ZC3HAV1: variants seen among roughly 807,000 people sequenced by gnomAD.
ZC3HAV1 encodes zinc finger CCCH-type antiviral protein 1.
Under a neutral mutation model 86.6 loss-of-function variants are expected in ZC3HAV1, and 41 were observed. The observed-to-expected ratio is 0.47, with a 90% CI of 0.37 to 0.61. The LOEUF (loss-of-function observed/expected upper bound fraction) is 0.61. Among genes scored for constraint, ZC3HAV1 ranks in the 20% least tolerant of loss-of-function variants. The pLI, the probability that ZC3HAV1 is intolerant of heterozygous loss-of-function variation, is 0.00. For synonymous variants in ZC3HAV1, 421 were observed against 432.1 expected (o/e 0.97, Z 0.32); for missense variants, 964 against 1,141.1 (o/e 0.84, Z 2.24).
At position 139,080,120 on chromosome 7, in the gene ZC3HAV1, G is replaced by C; in HGVS notation, c.821C>G (p.Pro274Arg). ...CCTGTGGCTGATCTGATCTGGACTA[G>C]GTGTGCAGGACCTCTCAGCAGACGC... The part of the protein sequence containing the change: ...ASASAERSCT[P>R]SPDQISHRAS... Residue 274 changes from proline (P) to arginine (R), a missense_variant, in exon 4 of 13, where the codon CCT becomes CGT. Transcript: ENST00000242351. 1 of 1,614,190 alleles carries C rather than the reference G, an allele frequency of 6.2e-7. No individual in the cohort carries two copies.
intron 8 of ZC3HAV1, among the ~76,000 whole-genome samples, chr7:139,062,819 G>A (rs999899474): frequency 2.6e-5 from 4 of 152,044 alleles, no homozygotes; most frequent in Admixed American, 6.6e-5. Context: ...CACGAGGTCA[G>A]GAGTTTGAGA....
chr7:139,082,981 T>C (rs1277700732), intron 3 of ZC3HAV1, among the ~76,000 whole-genome samples: 1 of 152,210 alleles, frequency 6.6e-6, no homozygotes, highest in Non-Finnish European at 1.5e-5. Context: ...TGTAAGAGAA[T>C]GGCCTTGTTC....
intron 7 of ZC3HAV1, among the ~76,000 whole-genome samples, chr7:139,072,544 C>T (rs1816809502): frequency 6.6e-6 from 1 of 152,134 alleles, no homozygotes; most frequent in Admixed American, 6.5e-5. Context: ...TTTCTCATCA[C>T]CCTGATTCCA....
intron 7 of ZC3HAV1, among the ~76,000 whole-genome samples, chr7:139,069,910 T>G (rs901573748): frequency 2.0e-5 from 3 of 152,146 alleles, no homozygotes; most frequent in Non-Finnish European, 4.4e-5. Context: ...TTTCTCTAAA[T>G]ATTCTAGCCT....
intron 8 of ZC3HAV1, among the ~76,000 whole-genome samples, chr7:139,064,566 C>G (rs1157903416): frequency 2.6e-5 from 4 of 152,212 alleles, no homozygotes; most frequent in African/African-American, 9.7e-5. Flanking sequence ...GCTGCCCACC[C>G]AGAATCAGAA....
intron 3 of ZC3HAV1, among the ~76,000 whole-genome samples, chr7:139,081,509 C>T (rs975871325): frequency 6.6e-6 from 1 of 152,148 alleles, no homozygotes; most frequent in African/African-American, 2.4e-5. Context: ...TTCCTCTGTT[C>T]AGAGGGAACT....
chr7:139,102,567 T>C (rs904309732), intron 1 of ZC3HAV1, among the ~76,000 whole-genome samples: 2 of 152,130 alleles, frequency 1.3e-5, no homozygotes, highest in African/African-American at 2.4e-5. Flanking sequence ...AATGGAGGCT[T>C]GGATACAAAT....
intron 12 of ZC3HAV1, among the ~76,000 whole-genome samples, chr7:139,048,817 C>T (rs1413015211): frequency 6.6e-6 from 1 of 151,956 alleles, no homozygotes; most frequent in Non-Finnish European, 1.5e-5. Flanking sequence ...ATTGCTTATC[C>T]TGAATAGGTC....
chr7:139,066,160 C>T (rs576087964), intron 7 of ZC3HAV1, among the ~76,000 whole-genome samples: 5 of 152,224 alleles, frequency 3.3e-5, no homozygotes, highest in African/African-American at 9.6e-5. Flanking sequence ...TGAGGAGACT[C>T]TTGTTTCCTG....
intron 9 of ZC3HAV1, among the ~76,000 whole-genome samples, chr7:139,059,081 GAACGATTGT>G (rs1439739973): frequency 2.0e-5 from 3 of 152,292 alleles, no homozygotes; most frequent in South Asian, 4.1e-4. Flanking sequence ...CATCCTGCCA[GAACGATTGT>G]AACGATTGTA....
At chr7:139,081,492 C>T (rs557739806) in intron 3 of ZC3HAV1, among the ~76,000 whole-genome samples, 1 of 152,144 alleles carries the variant, frequency 6.6e-6, no homozygotes, top group Non-Finnish European at 1.5e-5. Flanking sequence ...ACCCATCCCT[C>T]CAGACATTCC....
At chr7:139,069,845 AGTTACAAG>A (rs889261925) in intron 7 of ZC3HAV1, among the ~76,000 whole-genome samples, 91 of 152,316 alleles carry the variant, frequency 6.0e-4, no homozygotes, top group African/African-American at 2.0e-3. Flanking sequence ...TTCAAAATTC[AGTTACAAG>A]AAATAAAAGC....
Position 139,080,192 on chromosome 7 carries a change from C to G in ZC3HAV1, c.749G>C (p.Arg250Thr). Residue 250 changes from arginine (R) to threonine (T), a missense_variant, in exon 4 of 13, where the codon AGA (arginine) becomes ACA (threonine). Physicochemically the swap from Arg to Thr is moderately conservative, Grantham distance 71. Coordinates refer to ENST00000242351, the MANE Select transcript of ZC3HAV1 (RefSeq NM_020119.4). ...TTGGCTGCCCTGAAAGAACCGATCT[C>G]TACTCTTGCTTCTAGCCCTATATGC... ...NMAYRARSKSRDRFFQGSQEF... is the reference protein window; with the variant it reads ...NMAYRARSKSTDRFFQGSQEF... 2 of 1,614,198 alleles carry G rather than the reference C, an allele frequency of 1.2e-6. No homozygotes were observed. The highest frequency in any genetic ancestry group is 1.7e-6 in the Non-Finnish European group (2 of 1,180,048).
intron 2 of ZC3HAV1, among the ~76,000 whole-genome samples, chr7:139,089,112 A>G (rs932834392): frequency 1.3e-5 from 2 of 151,208 alleles, no homozygotes; most frequent in Non-Finnish European, 2.9e-5. Context: ...AAAAAAAAAA[A>G]AAAAAAAAAA....
At chr7:139,062,101 T>C (rs555267246) in intron 8 of ZC3HAV1, among the ~76,000 whole-genome samples, 1 of 152,282 alleles carries the variant, frequency 6.6e-6, no homozygotes, top group African/African-American at 2.4e-5. Context: ...GGGAAACTGA[T>C]TGCAAAGAGA....
Position 139,079,748 on chromosome 7 carries a change from G to T in ZC3HAV1, c.1193C>A (p.Thr398Asn), listed in dbSNP as rs771304609. The T allele has an allele frequency of 6.8e-6, 11 of 1,614,046 alleles. No homozygotes were observed. Among genetic ancestry groups the T allele is most frequent in the South Asian group, 2.2e-5 (2 of 91,088 alleles). ...LGSLQTPEAV[T>N]TRKGTGLLSS... ...AAGCAAGCCTGTGCCCTTTCTGGTG[G>T]TCACAGCTTCAGGTGTTTGCAGAGA... Residue 398 changes from threonine to asparagine, a missense_variant, in exon 4 of 13, where the codon ACC becomes AAC. By Grantham distance (65) the Thr-to-Asn change is moderately conservative. Coordinates refer to ENST00000242351, the MANE Select transcript of ZC3HAV1 (RefSeq NM_020119.4).
chr7:139,105,954 T>G (rs191081819), intron 1 of ZC3HAV1, among the ~76,000 whole-genome samples: 1 of 152,166 alleles, frequency 6.6e-6, no homozygotes, highest in South Asian at 2.1e-4. Flanking sequence ...TACAACACTT[T>G]ATACATTAAT....
In ZC3HAV1 at chr7:139,079,763, G is replaced by GT. The variant is rs1817069731; in HGVS notation, c.1177dup (p.Thr393AsnfsTer3). On this transcript the variant is annotated frameshift_variant, in exon 4 of 13. Transcript: ENST00000242351. LOFTEE classifies it high-confidence loss of function. ...CTTTCTGGTGGTCACAGCTTCAGGT[G>GT]TTTGCAGAGAGCCAAGAGAAGAGCG... The GT allele has an allele frequency of 7.4e-6, 12 of 1,614,068 alleles. No homozygotes were observed. The highest frequency in any genetic ancestry group is 1.0e-5 in the Non-Finnish European group (12 of 1,180,050).
At position 139,046,669 on chromosome 7, in the gene ZC3HAV1, C is replaced by T. The variant is rs1815961959; in HGVS notation, c.*925G>A. The T allele has an allele frequency of 6.6e-6, 1 of 152,150 alleles. No individual in the cohort carries two copies. The highest frequency in any genetic ancestry group is 1.5e-5 in the Non-Finnish European group (1 of 68,034). The allele number at this position is 152,150 out of a possible 1,614,324, so 9.4% of individuals were successfully genotyped here. A position where few individuals can be genotyped will look rare whatever the true frequency, so the allele number is the denominator to read the frequency against. On this transcript the variant is annotated 3_prime_UTR_variant, in exon 13 of 13. Coordinates refer to ENST00000242351, the MANE Select transcript of ZC3HAV1 (RefSeq NM_020119.4). Reference sequence around the variant, plus strand: ...TGTAGCGATAAAGAAAAGGGTGCTCCAAATCAGTTTCATCAGAATGATAAG... The same window carrying T: ...TGTAGCGATAAAGAAAAGGGTGCTCTAAATCAGTTTCATCAGAATGATAAG...
Sources: allele counts gnomAD v4.1 joint callset (sites outside exome capture counted in the v4.1 genomes callset), GRCh38; gene constraint gnomAD v4.1.1; transcripts MANE v1.5; gene names NCBI Gene and HGNC (gene_info 2026-07-23, HGNC 2026-07-21).